The following ULK4 variants were observed in gnomAD, a reference collection of about 807,000 sequenced individuals.
The protein encoded by ULK4 is inactive serine/threonine-protein kinase ULK4.
A neutral mutation model predicts 160.6 loss-of-function variants in ULK4; 133 were observed. That is an observed-to-expected ratio of 0.83 (90% CI 0.72 to 0.96). The LOEUF (loss-of-function observed/expected upper bound fraction) is 0.96. Among genes scored for constraint, ULK4 ranks in the 40% least tolerant of loss-of-function variants. ULK4 has a pLI of 0.00. For missense variants in ULK4, 1,580 were observed against 1,499.5 expected, an observed-to-expected ratio of 1.05 and a Z score of -0.89; for synonymous variants, 534 against 539.8, an observed-to-expected ratio of 0.99 and a Z score of 0.15.
At chr3:41,794,914 G>A (rs889568128) in intron 20 of ULK4, among the ~76,000 whole-genome samples, 1 of 152,050 alleles carries the variant, frequency 6.6e-6, no homozygotes, top group African/African-American at 2.4e-5. Flanking sequence ...GAAATCCTAG[G>A]AAATGTCTGA....
At chr3:41,732,601 G>C (rs2037870584) in intron 22 of ULK4, among the ~76,000 whole-genome samples, 1 of 152,034 alleles carries the variant, frequency 6.6e-6, no homozygotes, top group South Asian at 2.1e-4. Context: ...ATATAATCAA[G>C]CAATCCCACT....
At chr3:41,837,491 T>G (rs79590454) in intron 17 of ULK4, among the ~76,000 whole-genome samples, 11,208 of 152,158 alleles carry the variant, frequency 0.074, 1,304 homozygotes, top group African/African-American at 0.25. Context: ...TCATACACTA[T>G]ATATTCTTTT....
intron 32 of ULK4, among the ~76,000 whole-genome samples, chr3:41,502,798 G>C (rs2085255853): frequency 6.6e-6 from 1 of 152,106 alleles, no homozygotes; most frequent in Admixed American, 6.5e-5. Context: ...GGGGTTGAGG[G>C]AATTCACTTC....
intron 5 of ULK4, among the ~76,000 whole-genome samples, chr3:41,929,594 G>A (rs746926145): frequency 1.4e-4 from 21 of 152,096 alleles, no homozygotes; most frequent in Non-Finnish European, 2.4e-4. Flanking sequence ...AAACCCCATC[G>A]TCTCAGCCCA....
chr3:41,390,079 C>T (rs1026517468), intron 35 of ULK4, among the ~76,000 whole-genome samples: 14 of 152,166 alleles, frequency 9.2e-5, no homozygotes, highest in Non-Finnish European at 1.6e-4. Flanking sequence ...AGAGATTCAA[C>T]TTCTTCCTGG....
intron 27 of ULK4, among the ~76,000 whole-genome samples, chr3:41,688,346 G>A (rs2036167668): frequency 6.6e-6 from 1 of 152,160 alleles, no homozygotes. Flanking sequence ...TTGAGCCCAG[G>A]AGTTTGAGAC....
At chr3:41,668,178 T>C (rs903147081) in intron 29 of ULK4, among the ~76,000 whole-genome samples, 34 of 152,188 alleles carry the variant, frequency 2.2e-4, no homozygotes, top group African/African-American at 7.9e-4. Flanking sequence ...CTCAACAGAG[T>C]GTGCTCTGAG....
intron 1 of ULK4, among the ~76,000 whole-genome samples, chr3:41,955,102 C>T (rs755336814): frequency 3.4e-4 from 51 of 152,074 alleles, no homozygotes; most frequent in Admixed American, 7.9e-4. Flanking sequence ...ACCAGCCTGG[C>T]CAACATGGTG....
intron 30 of ULK4, among the ~76,000 whole-genome samples, chr3:41,657,959 G>A (rs2035005479): frequency 6.6e-6 from 1 of 152,018 alleles, no homozygotes; most frequent in African/African-American, 2.4e-5. Flanking sequence ...TTTGGTTACA[G>A]TAAGCAAATA....
chr3:41,450,468 G>T (rs1440979159), intron 34 of ULK4, among the ~76,000 whole-genome samples: 4 of 152,088 alleles, frequency 2.6e-5, no homozygotes, highest in African/African-American at 4.8e-5. Context: ...TATAAATATA[G>T]GTCATAAATT....
chr3:41,492,276 C>T (rs868404911), intron 32 of ULK4, among the ~76,000 whole-genome samples: 54 of 152,256 alleles, frequency 3.5e-4, no homozygotes, highest in South Asian at 2.3e-3. Context: ...CAAATGGTAT[C>T]TCTAGTTCTA....
In ULK4 at chr3:41,819,502, T is replaced by C. The variant is rs756348191; in HGVS notation, c.1769A>G (p.Glu590Gly). ...GCACTCTCTAGGGTTCTTTTTTTTT[T>C]CTTCCTAAAATGAAGTGGGAAAAAA... ...ELIYLVATQE[E>G]KKKNPRECWA... Residue 590 changes from glutamate to glycine, a missense_variant, in exon 19 of 37, where the codon GAA becomes GGA. Transcript: ENST00000301831. 4.9e-5 allele frequency: 79 copies of C among 1,598,278 alleles called. No individual in the cohort carries two copies. Among genetic ancestry groups the C allele is most frequent in the African/African-American group, 6.1e-5 (4 of 65,434 alleles).
intron 31 of ULK4, among the ~76,000 whole-genome samples, chr3:41,605,613 T>C (rs78756814): frequency 0.047 from 7,206 of 151,918 alleles, 226 homozygotes; most frequent in African/African-American, 0.075. Flanking sequence ...AAAACAAAAC[T>C]GATCCAAAAG....
intron 31 of ULK4, among the ~76,000 whole-genome samples, chr3:41,602,296 GAA>G (rs1304609080): frequency 3.1e-5 from 4 of 129,906 alleles, no homozygotes; most frequent in East Asian, 2.5e-4. Context: ...GAAAGGAAAG[GAA>G]AGGAAAGGAA....
intron 2 of ULK4, among the ~76,000 whole-genome samples, chr3:41,952,337 A>C (rs931984889): frequency 6.6e-6 from 1 of 152,250 alleles, no homozygotes; most frequent in African/African-American, 2.4e-5. Context: ...TATATAGAGA[A>C]GTCGTAAAAC....
chr3:41,340,811 G>C (rs1167239357), intron 35 of ULK4, among the ~76,000 whole-genome samples: 1 of 152,166 alleles, frequency 6.6e-6, no homozygotes, highest in African/African-American at 2.4e-5. Flanking sequence ...GGTTCATAAT[G>C]GTAACCACTC....
chr3:41,918,405 C>A, intron 7 of ULK4, 52 bp downstream of exon 7: 1 of 1,305,112 alleles, frequency 7.7e-7, no homozygotes, highest in Non-Finnish European at 1.1e-6. Context: ...AAAGGTACAC[C>A]TTTAATCAGT....
rs1553654814 is a variant in ULK4, at chr3:41,794,686, A to AAAAAAAAAAAAAAAAAAC, written c.2011-4844_2011-4843insGTTTTTTTTTTTTTTTTT. Among the ~76,000 whole-genome samples the AAAAAAAAAAAAAAAAAAC allele has an allele frequency of 2.1e-4, 24 of 112,424 alleles. 1 individual carries two copies. Among genetic ancestry groups the AAAAAAAAAAAAAAAAAAC allele is most frequent in the African/African-American group, 9.5e-4 (23 of 24,162 alleles). 73.8% of individuals were successfully genotyped at this position (112,424 alleles called of 152,430 possible). The stretch of plus-strand genomic sequence containing the variant: ...AAAAAAAAAAAAAAAAAAAAAAAAA[A>AAAAAAAAAAAAAAAAAAC]CACAGAAAAAAAAACCACAAACCTG... On this transcript the variant is annotated intron_variant, in intron 20 of 36. Transcript: ENST00000301831.
intron 22 of ULK4, among the ~76,000 whole-genome samples, chr3:41,746,272 C>CAAAAAAAAAAAAAAAAAAAAAAAAAAAA (rs34582395): frequency 6.6e-5 from 3 of 45,718 alleles, no homozygotes; most frequent in African/African-American, 2.1e-4. Context: ...CTGGAACCCA[C>CAAAAAAAAAAAAAAAAAAAAAAAAAAAA]AAAAAAAAAA....
Sources: allele counts gnomAD v4.1 joint callset (sites outside exome capture counted in the v4.1 genomes callset), GRCh38; gene constraint gnomAD v4.1.1; transcripts MANE v1.5; gene names NCBI Gene and HGNC (gene_info 2026-07-23, HGNC 2026-07-21).